FRK: variants seen among roughly 807,000 people sequenced by gnomAD.
FRK encodes the protein fyn related Src family tyrosine kinase.
In FRK, 51 loss-of-function variants were observed where a neutral mutation model predicts 56.4. The observed-to-expected ratio is 0.90, with a 90% CI of 0.72 to 1.14. FRK has a LOEUF of 1.14. FRK is among the 50% of genes most tolerant of loss of function. The probability of loss-of-function intolerance (pLI) is 0.00; values close to 1 mark genes in which losing one functional copy is unlikely to be tolerated. For synonymous variants in FRK, 245 were observed against 217.9 expected, an observed-to-expected ratio of 1.12 and a Z score of -1.10; for missense variants, 570 against 601.4, an observed-to-expected ratio of 0.95 and a Z score of 0.55.
the FRK span, among the ~76,000 whole-genome samples, chr6:116,099,693 GTACTATCTATT>G: frequency 6.6e-6 from 1 of 152,238 alleles, no homozygotes; most frequent in African/African-American, 2.4e-5. Context: ...CTACTCAATT[GTACTATCTATT>G]GCACTAAATT....
intron 2 of FRK, among the ~76,000 whole-genome samples, chr6:115,983,756 G>A (rs1774292643): frequency 6.6e-6 from 1 of 152,090 alleles, no homozygotes; most frequent in South Asian, 2.1e-4. Flanking sequence ...TCTGCCTAGA[G>A]TGTTTCAGTA....
intron 5 of FRK, among the ~76,000 whole-genome samples, chr6:115,945,971 A>T (rs973364790): frequency 1.3e-5 from 2 of 152,072 alleles, no homozygotes; most frequent in African/African-American, 4.8e-5. Context: ...TACCTATTTT[A>T]TATTTGTACA....
rs1777585369 is a variant in FRK at position 116,060,407 on chromosome 6, A to G, written c.-96T>C. 1 of 921,894 alleles carries G rather than the reference A, an allele frequency of 1.1e-6. No homozygotes were observed. The highest frequency in any genetic ancestry group is 1.7e-6 in the Non-Finnish European group (1 of 599,234). 57.1% of individuals were successfully genotyped at this position (921,894 alleles called of 1,614,324 possible). A position where few individuals can be genotyped will look rare whatever the true frequency, so the allele number is the denominator to read the frequency against. On this transcript the variant is annotated 5_prime_UTR_variant, in exon 1 of 8. An upstream open reading frame in the 5' UTR loses its in-frame stop. Coordinates refer to ENST00000606080, the MANE Select transcript of FRK (RefSeq NM_002031.3). ...TCCTTCACCAGGCAACTTTGAAGTC[A>G]GCACCAACTCACCATACTTCGGAGA...
At chr6:116,023,721 C>T (rs975941348) in intron 1 of FRK, among the ~76,000 whole-genome samples, 3 of 151,908 alleles carry the variant, frequency 2.0e-5, no homozygotes, top group East Asian at 1.9e-4. Context: ...CATAAGGAGG[C>T]GAGGTTTAGG....
Position 115,942,393 on chromosome 6 carries a change from T to C in FRK, c.*21A>G. On this transcript the variant is annotated 3_prime_UTR_variant, in exon 8 of 8. Coordinates refer to ENST00000606080, the MANE Select transcript of FRK (RefSeq NM_002031.3). ...TTGAATTTGTTTTGCTACTTTATTA[T>C]TTGATATTCTTCTCCAGTGTTCATC... The C allele has an allele frequency of 6.4e-7, 1 of 1,573,262 alleles. No homozygotes were observed. The highest frequency in any genetic ancestry group is 8.7e-7 in the Non-Finnish European group (1 of 1,144,358).
At chr6:116,074,687 A>G in the FRK span, among the ~76,000 whole-genome samples, 1 of 152,174 alleles carries the variant, frequency 6.6e-6, no homozygotes, top group African/African-American at 2.4e-5. Flanking sequence ...CATAGAAGTC[A>G]GACGGGAGGA....
intron 4 of FRK, 93 bp downstream of exon 4, chr6:115,967,458 T>C: frequency 1.6e-6 from 2 of 1,252,170 alleles, no homozygotes; most frequent in South Asian, 1.5e-5. Flanking sequence ...TTGCTGCCAG[T>C]ATTAGCCACC....
chr6:116,022,752 T>C (rs1775924803), intron 1 of FRK, among the ~76,000 whole-genome samples: 1 of 152,172 alleles, frequency 6.6e-6, no homozygotes, highest in South Asian at 2.1e-4. Context: ...CAGTTTTATA[T>C]ACACGGATGC....
chr6:115,987,589 GA>G (rs2114653459), intron 2 of FRK, among the ~76,000 whole-genome samples: 1 of 152,086 alleles, frequency 6.6e-6, no homozygotes, highest in East Asian at 1.9e-4. Context: ...ATAAAAACCA[GA>G]GTAACACAAC....
At chr6:116,063,840 T>A (rs112989563), upstream of FRK, among the ~76,000 whole-genome samples, 358 of 151,972 alleles carry the variant, frequency 2.4e-3, no homozygotes, top group African/African-American at 3.4e-3. Flanking sequence ...TATTTTTTTT[T>A]AAAAAAAGTA....
the FRK span, among the ~76,000 whole-genome samples, chr6:116,087,475 T>C: frequency 6.6e-6 from 1 of 152,276 alleles, no homozygotes; most frequent in African/African-American, 2.4e-5. Flanking sequence ...GCTTTTTCTG[T>C]GTGTTCCAGC....
At chr6:115,951,903 A>G (rs1335794899) in intron 5 of FRK, among the ~76,000 whole-genome samples, 1 of 152,158 alleles carries the variant, frequency 6.6e-6, no homozygotes, top group Non-Finnish European at 1.5e-5. Flanking sequence ...CAGTAAGAAA[A>G]TATTTTCAAT....
intron 1 of FRK, among the ~76,000 whole-genome samples, chr6:116,029,097 C>T (rs1776206919): frequency 6.6e-6 from 1 of 152,094 alleles, no homozygotes; most frequent in Non-Finnish European, 1.5e-5. Flanking sequence ...TTTTCACCTT[C>T]TCTTTCCTCT....
chr6:116,045,271 G>A (rs1776903837), intron 1 of FRK, among the ~76,000 whole-genome samples: 1 of 152,152 alleles, frequency 6.6e-6, no homozygotes, highest in Non-Finnish European at 1.5e-5. Flanking sequence ...AGCCCACATA[G>A]CCAAGACAAT....
At chr6:116,018,297 T>G (rs1775728185) in intron 1 of FRK, among the ~76,000 whole-genome samples, 1 of 152,152 alleles carries the variant, frequency 6.6e-6, no homozygotes, top group Non-Finnish European at 1.5e-5. Flanking sequence ...GCCCATCTAT[T>G]CCATGTCTTT....
chr6:116,064,057 C>A (rs529322251), upstream of FRK, among the ~76,000 whole-genome samples: 41 of 152,318 alleles, frequency 2.7e-4, no homozygotes, highest in East Asian at 7.5e-3. Context: ...TTGGAATAAA[C>A]CTTAGTTCTT....
chr6:115,965,509 A>G (rs2114593195), intron 4 of FRK, among the ~76,000 whole-genome samples: 1 of 4,788 alleles, frequency 2.1e-4, no homozygotes. Flanking sequence ...TCAGGGATCT[A>G]GAACTAGAAA....
chr6:116,056,602 A>G (rs1423647726), intron 1 of FRK, among the ~76,000 whole-genome samples: 1 of 152,186 alleles, frequency 6.6e-6, no homozygotes, highest in Non-Finnish European at 1.5e-5. Flanking sequence ...ATTTAAAGCC[A>G]TTACTTTTGG....
At chr6:116,001,237 G>T (rs1189511294) in intron 2 of FRK, among the ~76,000 whole-genome samples, 2 of 128,564 alleles carry the variant, frequency 1.6e-5, no homozygotes, top group Admixed American at 8.0e-5. Context: ...GACTCTGTCT[G>T]AAAAAAAAAA....
Sources: gnomAD v4.1 joint callset for allele counts (sites outside exome capture counted in the v4.1 genomes callset) on GRCh38, gnomAD v4.1.1 for gene constraint, MANE v1.5 for transcripts, NCBI Gene and HGNC (gene_info 2026-07-23, HGNC 2026-07-21) for gene names.